DMRT1: variants seen among roughly 807,000 people sequenced by gnomAD.
DMRT1 encodes the protein doublesex and mab-3 related transcription factor 1.
DMRT1 carries 7 observed loss-of-function variants against 32.3 expected under a neutral mutation model. That is an observed-to-expected ratio of 0.22 (90% CI 0.12 to 0.41). The LOEUF (loss-of-function observed/expected upper bound fraction) is 0.41. Ranked by LOEUF, DMRT1 falls within the 10% of genes least tolerant of loss-of-function variation. The probability of loss-of-function intolerance (pLI) is 1.00; values close to 1 mark genes in which losing one functional copy is unlikely to be tolerated. For missense variants in DMRT1, 625 were observed against 500.5 expected, an observed-to-expected ratio of 1.25 and a Z score of -2.37; for synonymous variants, 278 against 206.1, an observed-to-expected ratio of 1.35 and a Z score of -2.99.
Position 880,710 on chromosome 9 carries a change from G to A in DMRT1, c.539-13202G>A, listed in dbSNP as rs138553157. Among the ~76,000 whole-genome samples, 4 of 118,460 alleles carry A rather than the reference G, an allele frequency of 3.4e-5. No individual in the cohort carries two copies. The East Asian group carries it at 7.2e-4, about 21-fold the overall frequency. The allele number at this position is 118,460 out of a possible 152,430, so 77.7% of individuals were successfully genotyped here. A position where few individuals can be genotyped will look rare whatever the true frequency, so the allele number is the denominator to read the frequency against. ...CATTGCACTCCAACCTGGGCAACCA[G>A]CAAAACTCAGTCTCAAAAAAAAAAA... On this transcript the variant is annotated intron_variant, in intron 2 of 4. Coordinates refer to ENST00000382276, the MANE Select transcript of DMRT1 (RefSeq NM_021951.3).
chr9:898,191 C>T (rs1237270020), intron 3 of DMRT1, among the ~76,000 whole-genome samples: 1 of 150,810 alleles, frequency 6.6e-6, no homozygotes, highest in Non-Finnish European at 1.5e-5. Context: ...GTGATCTTGG[C>T]TCACTGCAAC....
At chr9:884,775 G>A (rs1027226248) in intron 2 of DMRT1, among the ~76,000 whole-genome samples, 5 of 152,122 alleles carry the variant, frequency 3.3e-5, no homozygotes, top group Non-Finnish European at 7.4e-5. Flanking sequence ...TTCGAGACCA[G>A]CCTGGCCAAC....
intron 2 of DMRT1, among the ~76,000 whole-genome samples, chr9:858,957 G>T (rs542407220): frequency 6.6e-6 from 1 of 151,594 alleles, no homozygotes; most frequent in South Asian, 2.1e-4. Flanking sequence ...ACCATAATGT[G>T]CAACTGTCAC....
chr9:905,534 A>C (rs1204202718), intron 3 of DMRT1, among the ~76,000 whole-genome samples: 2 of 148,174 alleles, frequency 1.3e-5, no homozygotes, highest in Non-Finnish European at 3.0e-5. Flanking sequence ...GACATGTCAA[A>C]CTAAAGTTTA....
intron 2 of DMRT1, among the ~76,000 whole-genome samples, chr9:882,429 T>C (rs1257181650): frequency 1.3e-5 from 2 of 152,204 alleles, no homozygotes; most frequent in African/African-American, 4.8e-5. Flanking sequence ...TCTTATCCTT[T>C]ATACATCCAG....
chr9:871,200 T>A (rs1816234028), intron 2 of DMRT1, among the ~76,000 whole-genome samples: 1 of 151,890 alleles, frequency 6.6e-6, no homozygotes, highest in African/African-American at 2.4e-5. Context: ...CATGCCCGGC[T>A]AATTTTTTGT....
At chr9:846,929 T>G in intron 1 of DMRT1, 31 bp from the exon 2 acceptor site, 1 of 1,613,886 alleles carries the variant, frequency 6.2e-7, no homozygotes. Flanking sequence ...TCTGGAGTGC[T>G]GGAGGATGAC....
chr9:911,973 A>G (rs1174164733), intron 3 of DMRT1, among the ~76,000 whole-genome samples: 5 of 152,144 alleles, frequency 3.3e-5, no homozygotes, highest in Non-Finnish European at 5.9e-5. Context: ...CTGTTCTCAC[A>G]CTGCTGTAAA....
intron 4 of DMRT1, among the ~76,000 whole-genome samples, chr9:943,950 C>G (rs4742580): frequency 0.35 from 53,817 of 152,034 alleles, 13,292 homozygotes; most frequent in African/African-American, 0.7. Context: ...CCTTGTGTTT[C>G]TTGGAGTGGG....
intron 3 of DMRT1, among the ~76,000 whole-genome samples, chr9:902,422 C>G (rs1012154026): frequency 2.0e-5 from 3 of 151,496 alleles, no homozygotes; most frequent in Non-Finnish European, 4.4e-5. Flanking sequence ...AGTGTGCTCC[C>G]TTTAGCAATT....
chr9:850,857 C>T (rs1345474561), intron 2 of DMRT1, among the ~76,000 whole-genome samples: 3 of 151,800 alleles, frequency 2.0e-5, no homozygotes, highest in Admixed American at 2.0e-4. Flanking sequence ...GGCGAAACCC[C>T]ATCTCTACTG....
chr9:903,233 G>A (rs562212813), intron 3 of DMRT1, among the ~76,000 whole-genome samples: 38 of 152,178 alleles, frequency 2.5e-4, no homozygotes, highest in Non-Finnish European at 5.0e-4. Flanking sequence ...TTCTCTAGCT[G>A]GCCCTGTAAG....
At chr9:940,838 T>A (rs1305395405) in intron 4 of DMRT1, among the ~76,000 whole-genome samples, 5 of 152,142 alleles carry the variant, frequency 3.3e-5, no homozygotes, top group African/African-American at 1.2e-4. Flanking sequence ...CTGCTAAAAC[T>A]CAGCAACAGC....
At chr9:909,335 G>A (rs1275025502) in intron 3 of DMRT1, among the ~76,000 whole-genome samples, 1 of 152,066 alleles carries the variant, frequency 6.6e-6, no homozygotes, top group African/African-American at 2.4e-5. Context: ...TCTCAGCTGT[G>A]AAATATGGAA....
chr9:878,667 A>G (rs971620096), intron 2 of DMRT1, among the ~76,000 whole-genome samples: 1 of 152,122 alleles, frequency 6.6e-6, no homozygotes, highest in Admixed American at 6.5e-5. Flanking sequence ...GATTTGGAGC[A>G]AGGATAACTT....
chr9:903,158 T>C (rs980713762), intron 3 of DMRT1, among the ~76,000 whole-genome samples: 1 of 152,150 alleles, frequency 6.6e-6, no homozygotes, highest in Non-Finnish European at 1.5e-5. Flanking sequence ...TAAAGAGAAA[T>C]AGTGGACCCA....
chr9:962,041 G>T (rs1819790802), intron 4 of DMRT1, among the ~76,000 whole-genome samples: 1 of 152,182 alleles, frequency 6.6e-6, no homozygotes, highest in Non-Finnish European at 1.5e-5. Flanking sequence ...TTTTACTGCA[G>T]GATGTTGTTA....
Position 880,615 on chromosome 9 carries a change from A to G in DMRT1, c.539-13297A>G, listed in dbSNP as rs1192351948. Among the ~76,000 whole-genome samples the G allele has an allele frequency of 2.6e-5, 4 of 151,438 alleles. 1 individual carries two copies. The highest frequency in any genetic ancestry group is 9.7e-5 in the African/African-American group (4 of 41,222). On this transcript the variant is annotated intron_variant, in intron 2 of 4. Transcript: ENST00000382276. Reference sequence around the variant, plus strand: ...GTGGCGCATGCCTGTAATCCCAGCCATTCAGGAGGCTGAGGCAGGAGAATT... The same window carrying G: ...GTGGCGCATGCCTGTAATCCCAGCCGTTCAGGAGGCTGAGGCAGGAGAATT...
chr9:946,975 G>A (rs1406346361), intron 4 of DMRT1, among the ~76,000 whole-genome samples: 1 of 152,178 alleles, frequency 6.6e-6, no homozygotes, highest in Non-Finnish European at 1.5e-5. Flanking sequence ...TAGGAAATTC[G>A]TCATGCAGAA....
Sources: gnomAD v4.1 joint callset for allele counts (sites outside exome capture counted in the v4.1 genomes callset) on GRCh38, gnomAD v4.1.1 for gene constraint, MANE v1.5 for transcripts, NCBI Gene and HGNC (gene_info 2026-07-23, HGNC 2026-07-21) for gene names.